ZNF208: variants seen among roughly 807,000 people sequenced by gnomAD.
The protein encoded by ZNF208 is zinc finger protein 208.
A neutral mutation model predicts 12.1 loss-of-function variants in ZNF208; 10 were observed. That is an observed-to-expected ratio of 0.83 (90% confidence interval 0.51 to 1.40). The LOEUF is 1.40. Among genes scored for constraint, ZNF208 ranks in the 40% most tolerant of loss-of-function variants. The pLI is 0.00. For synonymous variants in ZNF208, 497 were observed against 488.4 expected (o/e 1.02, Z -0.23); for missense variants, 1,652 against 1,485.0 (o/e 1.11, Z -1.85).
downstream of ZNF208, among the ~76,000 whole-genome samples, chr19:21,962,077 A>G (rs1970080600): frequency 6.6e-6 from 1 of 152,212 alleles, no homozygotes; most frequent in African/African-American, 2.4e-5. Context: ...TGATGTTCAG[A>G]GATTGAAGTA....
chr19:21,947,917 G>C (rs1443526191), intron 4 of ZNF208, among the ~76,000 whole-genome samples: 1 of 152,158 alleles, frequency 6.6e-6, no homozygotes, highest in Non-Finnish European at 1.5e-5. Context: ...AAACGAGCGG[G>C]ATGGAAAGCT....
chr19:21,993,837 A>C (rs377367568), intron 1 of ZNF208, among the ~76,000 whole-genome samples: 1 of 151,226 alleles, frequency 6.6e-6, no homozygotes, highest in East Asian at 1.9e-4. Context: ...TTGCAGAGGA[A>C]AAAAAAAAGC....
intron 4 of ZNF208, among the ~76,000 whole-genome samples, chr19:21,960,249 C>T (rs1304035558): frequency 2.6e-5 from 4 of 151,956 alleles, no homozygotes; most frequent in African/African-American, 4.8e-5. Context: ...AATGTAATGG[C>T]CTTGATCCAA....
Position 21,966,482 on chromosome 19 carries a change from C to T in ZNF208, c.*4709G>A, listed in dbSNP as rs764956770. On this transcript the variant is annotated 3_prime_UTR_variant, in exon 4 of 4. Coordinates refer to ENST00000397126, the MANE Select transcript of ZNF208 (RefSeq NM_007153.3). The stretch of plus-strand genomic sequence containing the variant: ...CATAGTATTGGAGGTTGTATAAGTA[C>T]ATCATTTTTCTTATCCAATAAAAGA... 1.3e-5 allele frequency: 2 copies of T among 152,210 alleles called. No individual in the cohort carries two copies. Among genetic ancestry groups the T allele is most frequent in the East Asian group, 1.9e-4 (1 of 5,180 alleles). 9.4% of individuals were successfully genotyped at this position (152,210 alleles called of 1,614,324 possible).
chr19:21,992,050 A>T (rs1970748465), intron 1 of ZNF208, among the ~76,000 whole-genome samples: 1 of 152,232 alleles, frequency 6.6e-6, no homozygotes, highest in Admixed American at 6.5e-5. Flanking sequence ...GTAAACAAAG[A>T]TGAGAGGTTT....
downstream of ZNF208, among the ~76,000 whole-genome samples, chr19:21,961,191 AAG>A (rs1599606291): frequency 1.3e-5 from 2 of 152,288 alleles, no homozygotes; most frequent in East Asian, 3.9e-4. Context: ...AAAGAGTACA[AAG>A]AGAGGAATTT....
chr19:21,973,305 C>A lies in ZNF208; in HGVS notation c.1729G>T (p.Val577Leu). Reference protein sequence around the residue: ...TLSYHKKIHTVEKPYKCEECG... With the variant: ...TLSYHKKIHTLEKPYKCEECG... ...TCTTCACATTTGTAGGGTTTCTCTA[C>A]AGTATGAATTTTCTTATGATAACTA... The change falls in exon 4 of 4, where the codon GTA becomes TTA. Residue 577 changes from valine (V) to leucine (L), a missense_variant. This residue lies in a region of ZNF208 where 1,239 missense variants were observed against 1,086.2 expected (regional missense o/e 1.14). Transcript: ENST00000397126. The A allele has an allele frequency of 6.2e-7, 1 of 1,610,388 alleles. No homozygotes were observed. Among genetic ancestry groups the A allele is most frequent in the Non-Finnish European group, 8.5e-7 (1 of 1,178,516 alleles).
At chr19:21,955,085 T>C (rs569469009) in intron 4 of ZNF208, among the ~76,000 whole-genome samples, 1 of 152,368 alleles carries the variant, frequency 6.6e-6, no homozygotes, top group South Asian at 2.1e-4. Flanking sequence ...TCTCCTTCAC[T>C]TATGAAGCTT....
At chr19:21,952,514 G>A (rs754317369) in intron 4 of ZNF208, among the ~76,000 whole-genome samples, 1 of 152,222 alleles carries the variant, frequency 6.6e-6, no homozygotes, top group Non-Finnish European at 1.5e-5. Context: ...GCCTCTGCTG[G>A]TGATACCCAG....
At chr19:21,943,282 T>G (rs1434524982) in intron 4 of ZNF208, among the ~76,000 whole-genome samples, 1 of 152,098 alleles carries the variant, frequency 6.6e-6, no homozygotes, top group Non-Finnish European at 1.5e-5. Flanking sequence ...TAGATTAACA[T>G]TATCATAAAT....
At chr19:21,957,747 A>G (rs1233322314) in intron 4 of ZNF208, among the ~76,000 whole-genome samples, 1 of 152,180 alleles carries the variant, frequency 6.6e-6, no homozygotes, top group Admixed American at 6.5e-5. Flanking sequence ...CACTATGTTC[A>G]AATAGTTAGG....
In ZNF208 at chr19:21,967,375, ACT is replaced by A. The variant is rs1364441765; in HGVS notation, c.*3814_*3815del. The A allele has an allele frequency of 6.6e-6, 1 of 151,894 alleles. No individual in the cohort carries two copies. The highest frequency in any genetic ancestry group is 1.5e-5 in the Non-Finnish European group (1 of 67,976). The allele number at this position is 151,894 out of a possible 1,614,324, so 9.4% of individuals were successfully genotyped here. A position where few individuals can be genotyped will look rare whatever the true frequency, so the allele number is the denominator to read the frequency against. On this transcript the variant is annotated 3_prime_UTR_variant, in exon 4 of 4. Transcript: ENST00000397126. Reference sequence around the variant, plus strand: ...ATTGCAAAGTATAGCTTAATTCAGTACTCTCTCTTCCATTTCATTGGTCTAGA... The same window carrying A: ...ATTGCAAAGTATAGCTTAATTCAGTACTCTCTTCCATTTCATTGGTCTAGA...
rs751646780 is a variant in ZNF208, at chr19:21,972,297, C to T, written c.2737G>A (p.Gly913Arg). Residue 913 changes from glycine to arginine, a missense_variant, in exon 4 of 4, where the codon GGA becomes AGA. By Grantham distance (125) the Gly-to-Arg change is moderately radical. This residue lies in a region of ZNF208 where 1,239 missense variants were observed against 1,086.2 expected (regional missense o/e 1.14). Coordinates refer to ENST00000397126, the MANE Select transcript of ZNF208 (RefSeq NM_007153.3). The stretch of plus-strand genomic sequence containing the variant: ...TCTTCACATTTGTAGGGTTTCTCTC[C>T]AGTATGAATTACCTCATGTTTAGTA... ...ILTKHEVIHTGEKPYKCEECG... is the reference protein window; with the variant it reads ...ILTKHEVIHTREKPYKCEECG... The T allele has an allele frequency of 6.2e-7, 1 of 1,613,720 alleles. No individual in the cohort carries two copies. Among genetic ancestry groups the T allele is most frequent in the South Asian group, 1.1e-5 (1 of 91,016 alleles).
At chr19:21,974,828 C>T in intron 3 of ZNF208, 21 bp from the exon 4 acceptor site, 1 of 1,509,596 alleles carries the variant, frequency 6.6e-7, no homozygotes, top group Non-Finnish European at 8.8e-7. Context: ...ATAAAAATCA[C>T]AAATTAGCCT....
Position 21,955,398 on chromosome 19 carries a change from TC to T in ZNF208, c.305+19330del, listed in dbSNP as rs1313545224. 2.0e-5 allele frequency among the ~76,000 whole-genome samples: 3 copies of T among 152,352 alleles called. No individual in the cohort carries two copies. The East Asian group carries it at 5.8e-4, about 29-fold the overall frequency. ...CTGCCTTGCTGGGTTGGGATAGTTC[TC>T]CTGGATAATATCCTGAAGAATGTTT... is the stretch of plus-strand genomic sequence containing the variant. On this transcript the variant is annotated intron_variant, in intron 4 of 4. Transcript: ENST00000599916.
chr19:21,945,421 C>G (rs1008761880), intron 4 of ZNF208, among the ~76,000 whole-genome samples: 1 of 152,138 alleles, frequency 6.6e-6, no homozygotes, highest in Non-Finnish European at 1.5e-5. Context: ...TCAGAAAAGC[C>G]ATTCACACTA....
Position 21,950,318 on chromosome 19 carries a change from C to T in ZNF208, c.306-17081G>A, listed in dbSNP as rs370823563. Among the ~76,000 whole-genome samples the T allele has an allele frequency of 2.6e-5, 4 of 152,070 alleles. No homozygotes were observed. The East Asian group carries it at 7.7e-4, about 29-fold the overall frequency. ...AAGGCCCTAAAATAACCTCTGGTGG[C>T]CTGGGACTCCTCAAGAAAACAAAAA... is the stretch of plus-strand genomic sequence containing the variant. On this transcript the variant is annotated intron_variant, in intron 4 of 4. Coordinates refer to the ZNF208 transcript ENST00000599916.
In ZNF208 at chr19:21,974,746, T is replaced by C; in HGVS notation, c.288A>G (p.Gln96=). Residue 96 remains glutamine (Q), a synonymous_variant, in exon 4 of 4, where the codon CAA becomes CAG. Transcript: ENST00000397126. ...WPEQGIEDSF[Q]KVILRRYEKC... is the part of the protein sequence containing the mutation. ...TTTCATACCTTCTCAATATCACTTT[T>C]TGGAAAGAATCTTCTATGCCCTGCT... The C allele has an allele frequency of 6.2e-7, 1 of 1,610,762 alleles. No homozygotes were observed. The highest frequency in any genetic ancestry group is 8.5e-7 in the Non-Finnish European group (1 of 1,178,550).
At chr19:21,948,739 C>T (rs1599601419) in intron 4 of ZNF208, among the ~76,000 whole-genome samples, 1 of 152,126 alleles carries the variant, frequency 6.6e-6, no homozygotes, top group African/African-American at 2.4e-5. Context: ...TGCTATGCTG[C>T]TTTTAAGCCA....
Sources: allele counts gnomAD v4.1 joint callset (sites outside exome capture counted in the v4.1 genomes callset), GRCh38; gene constraint gnomAD v4.1.1; regional missense constraint gnomAD v4.1.1; transcripts MANE v1.5; gene names NCBI Gene and HGNC (gene_info 2026-07-23, HGNC 2026-07-21).